The following DOCK11 variants were observed in gnomAD, a reference collection of about 807,000 sequenced individuals.
DOCK11 encodes dedicator of cytokinesis protein 11.
In DOCK11, 70 loss-of-function variants were observed where a neutral mutation model predicts 169.1. The ratio of observed to expected loss-of-function variants is 0.41; its 90% CI spans 0.34 to 0.51. The LOEUF is 0.51. DOCK11 is among the 20% of genes least tolerant of loss of function. The pLI, the probability that DOCK11 is intolerant of heterozygous loss-of-function variation, is 0.10. For synonymous variants in DOCK11, 529 were observed against 541.3 expected (o/e 0.98, Z 0.32); for missense variants, 1,166 against 1,538.8 (o/e 0.76, Z 4.05).
intron 21 of DOCK11, among the ~76,000 whole-genome samples, 163 bp from the exon 22 acceptor site, chrX:118,597,866 GA>G (rs1398000957): frequency 2.7e-5 from 3 of 111,662 alleles, no homozygotes; most frequent in Admixed American, 1.9e-4. Flanking sequence ...AATGTAAAAT[GA>G]TTTATGATAC....
intron 1 of DOCK11, among the ~76,000 whole-genome samples, chrX:118,519,831 A>AT (rs1177143431): frequency 2.7e-5 from 3 of 111,763 alleles, no homozygotes; most frequent in African/African-American, 9.8e-5. Context: ...ACTAATTTAT[A>AT]TTTTTTTAAG....
At chrX:118,652,223 A>G (rs969360222) in intron 42 of DOCK11, 146 bp downstream of exon 42, 1 of 402,074 alleles carries the variant, frequency 2.5e-6, no homozygotes, top group Non-Finnish European at 4.4e-6. Flanking sequence ...TGTCTTATAC[A>G]TCACTATATC....
intron 39 of DOCK11, 40 bp downstream of exon 39, chrX:118,641,345 A>G (rs141188703): frequency 3.1e-6 from 3 of 980,071 alleles, no homozygotes; most frequent in Non-Finnish European, 4.3e-6. Flanking sequence ...TACCATTGCA[A>G]AGTAACATTA....
chrX:118,644,699 C>T (rs750510344), intron 40 of DOCK11, among the ~76,000 whole-genome samples: 4 of 111,320 alleles, frequency 3.6e-5, no homozygotes, highest in East Asian at 2.8e-4. Flanking sequence ...TCTGCAGCAA[C>T]GGAGCTAGGA....
chrX:118,647,479 A>G (rs1217301035), intron 40 of DOCK11, among the ~76,000 whole-genome samples: 1 of 78,520 alleles, frequency 1.3e-5, no homozygotes, highest in Non-Finnish European at 2.3e-5. Flanking sequence ...TTACTTTTAT[A>G]TATATTATAT....
At chrX:118,638,274 T>A in intron 37 of DOCK11, 147 bp downstream of exon 37, 1 of 530,661 alleles carries the variant, frequency 1.9e-6, no homozygotes, top group Non-Finnish European at 3.2e-6. Context: ...ATTGAAAGTT[T>A]AAACGAATGG....
At chrX:118,549,964 C>G (rs2147357452) in intron 6 of DOCK11, among the ~76,000 whole-genome samples, 1 of 111,586 alleles carries the variant, frequency 9.0e-6, no homozygotes, top group South Asian at 3.8e-4. Flanking sequence ...TCCTTTATCC[C>G]CACTCTTTTC....
At chrX:118,551,567 G>C (rs750715127) in intron 6 of DOCK11, among the ~76,000 whole-genome samples, 3 of 110,479 alleles carry the variant, frequency 2.7e-5, no homozygotes, top group Non-Finnish European at 3.8e-5. Context: ...GCATGGTGAC[G>C]CATGCCTGTA....
At chrX:118,533,761 A>G (rs2011660791) in intron 1 of DOCK11, among the ~76,000 whole-genome samples, 1 of 112,571 alleles carries the variant, frequency 8.9e-6, no homozygotes, top group Non-Finnish European at 1.9e-5. Context: ...AGTTTTGTTT[A>G]TAAAACTCAG....
chrX:118,546,201 G>T, intron 6 of DOCK11, 85 bp downstream of exon 6: 4 of 53,157 alleles, frequency 7.5e-5, no homozygotes, highest in East Asian at 2.5e-4. Context: ...ATTTTACAAA[G>T]AGCCCTAGCA....
intron 39 of DOCK11, among the ~76,000 whole-genome samples, chrX:118,642,492 T>C (rs1235332920): frequency 8.9e-6 from 1 of 112,122 alleles, no homozygotes; most frequent in Non-Finnish European, 1.9e-5. Context: ...AAAATACAAA[T>C]ATGAACTCAC....
chrX:118,580,498 G>A (rs1356180058), intron 14 of DOCK11, among the ~76,000 whole-genome samples: 3 of 111,160 alleles, frequency 2.7e-5, no homozygotes, highest in Non-Finnish European at 5.7e-5. Flanking sequence ...TGTATTTTTA[G>A]TAGAGACGGG....
Position 118,570,443 on chromosome X carries a change from G to A in DOCK11, c.1036-1880G>A, listed in dbSNP as rs149468111. 4.4e-3 allele frequency among the ~76,000 whole-genome samples: 496 copies of A among 112,156 alleles called. 2 individuals carry two copies. The highest frequency in any genetic ancestry group is 0.015 in the African/African-American group (465 of 30,926). On this transcript the variant is annotated intron_variant, in intron 10 of 52. Coordinates refer to ENST00000276202, the MANE Select transcript of DOCK11 (RefSeq NM_144658.4). ...ATGGCAATGACTTGCCTCCACAGATGGATATGTGTTCAAGAGGGAGCTGTC... is the reference window on the plus strand; with the variant it reads ...ATGGCAATGACTTGCCTCCACAGATAGATATGTGTTCAAGAGGGAGCTGTC...
intron 33 of DOCK11, 91 bp from the exon 34 acceptor site, chrX:118,628,072 A>G: frequency 2.0e-6 from 1 of 506,991 alleles, no homozygotes. Flanking sequence ...CCCTACATTA[A>G]TGTCTCTACT....
Position 118,546,955 on chromosome X carries a change from A to G in DOCK11, c.558+839A>G, listed in dbSNP as rs753130070. Among the ~76,000 whole-genome samples the G allele has an allele frequency of 4.5e-5, 5 of 111,858 alleles. No individual in the cohort carries two copies. The East Asian group carries it at 1.4e-3, about 31-fold the overall frequency. ...CAGTGAGCCAAGATGGCACTACTGC[A>G]TTCCAGCCTGGGCAACAGAGGGAGA... On this transcript the variant is annotated intron_variant, in intron 6 of 52. Coordinates refer to ENST00000276202, the MANE Select transcript of DOCK11 (RefSeq NM_144658.4).
At chrX:118,537,989 G>T (rs991989689) in intron 1 of DOCK11, among the ~76,000 whole-genome samples, 1 of 112,060 alleles carries the variant, frequency 8.9e-6, no homozygotes, top group African/African-American at 3.2e-5. Context: ...CAACGGAAAA[G>T]TGTACTGCAT....
Position 118,584,828 on chromosome X carries a change from C to T in DOCK11, c.1689C>T (p.Asp563=). 1 of 1,199,725 alleles carries T rather than the reference C, an allele frequency of 8.3e-7. No individual in the cohort carries two copies. Among genetic ancestry groups the T allele is most frequent in the Non-Finnish European group, 1.1e-6 (1 of 890,150 alleles). The change falls in exon 15 of 53, where the codon GAC becomes GAT. Residue 563 remains aspartate, a synonymous_variant. Transcript: ENST00000276202. ...ACAGTAGCAAGCTTTCAAGTGAAGA[C>T]ATTCTCAAGTTGCTCTCAGAATATA... ...KQDSSKLSSE[D]ILKLLSEYKK...
chrX:118,614,812 C>T (rs1368654370), intron 29 of DOCK11, 37 bp downstream of exon 29: 2 of 948,874 alleles, frequency 2.1e-6, no homozygotes, highest in Non-Finnish European at 3.0e-6. Context: ...GGATGTCAGA[C>T]ATCTGAGCAT....
At chrX:118,597,284 C>A in intron 20 of DOCK11, 147 bp from the exon 21 acceptor site, 1 of 685,845 alleles carries the variant, frequency 1.5e-6, no homozygotes, top group East Asian at 3.3e-5. Flanking sequence ...TTGTTCCTTC[C>A]CCAGTACTCA....
Sources: gnomAD v4.1 joint callset for allele counts (sites outside exome capture counted in the v4.1 genomes callset) on GRCh38, gnomAD v4.1.1 for gene constraint, MANE v1.5 for transcripts, NCBI Gene and HGNC (gene_info 2026-07-23, HGNC 2026-07-21) for gene names.